Variants in MDN1 observed in about 807,000 individuals in gnomAD.
The protein encoded by MDN1 is midasin.
MDN1 carries 266 observed loss-of-function variants against 669.2 expected under a neutral mutation model. That is an observed-to-expected ratio of 0.40 (90% CI 0.36 to 0.44). MDN1 has a LOEUF of 0.44. Ranked by LOEUF, MDN1 falls within the 20% of genes least tolerant of loss-of-function variation. MDN1 has a pLI of 1.00. For missense variants in MDN1, 5,940 were observed against 6,754.0 expected (o/e 0.88, Z 4.22); for synonymous variants, 2,385 against 2,457.1 (o/e 0.97, Z 0.87).
At chr6:89,686,040 C>T (rs892690065) in intron 69 of MDN1, 67 bp from the exon 70 acceptor site, 138 of 1,509,160 alleles carry the variant, frequency 9.1e-5, no homozygotes, top group Middle Eastern at 5.5e-4. Flanking sequence ...CTAACATGCA[C>T]GCAATCTATT....
Position 89,727,920 on chromosome 6 carries a change from A to T in MDN1, c.5385T>A (p.Val1795=), listed in dbSNP as rs1245058374. Residue 1795 remains valine, a synonymous_variant, in exon 37 of 102, where the codon GTT becomes GTA. Transcript: ENST00000369393. ...ITDLFGADLP[V]EGGKGGEFAW... Reference sequence around the variant, plus strand: ...CAAACTCTCCTCCCTTGCCACCTTCAACAGGTAGATCTGCTCCAAACAGGT... The same window carrying T: ...CAAACTCTCCTCCCTTGCCACCTTCTACAGGTAGATCTGCTCCAAACAGGT... 2 of 1,614,008 alleles carry T rather than the reference A, an allele frequency of 1.2e-6. No homozygotes were observed. Among genetic ancestry groups the T allele is most frequent in the South Asian group, 1.1e-5 (1 of 91,070 alleles).
intron 10 of MDN1, 36 bp downstream of exon 10, chr6:89,781,363 G>T: frequency 6.4e-7 from 1 of 1,574,002 alleles, no homozygotes; most frequent in Non-Finnish European, 8.7e-7. Flanking sequence ...AAAAAAAAAA[G>T]AAAGAAAGAA....
chr6:89,714,064 T>C (rs1259890091), intron 46 of MDN1, among the ~76,000 whole-genome samples: 1 of 151,454 alleles, frequency 6.6e-6, no homozygotes, highest in Non-Finnish European at 1.5e-5. Flanking sequence ...AAAAAAAAGA[T>C]TAAATAAACA....
intron 20 of MDN1, among the ~76,000 whole-genome samples, chr6:89,755,238 A>C (rs577613463): frequency 3.3e-5 from 5 of 152,202 alleles, no homozygotes; most frequent in Admixed American, 2.6e-4. Flanking sequence ...CTTGTTGACT[A>C]ATCTATTTAA....
chr6:89,794,770 G>A lies in MDN1; in HGVS notation c.361C>T (p.Pro121Ser), dbSNP rs1819487485. ...FALRYFKDTS[P>S]VFQRLFLESS... The stretch of plus-strand genomic sequence containing the variant: ...TCTAGGAAAAGTCTTTGAAAGACTG[G>A]GGATGTGTCCTTGAAATATCTCAGG... Residue 121 changes from proline to serine, a missense_variant, in exon 3 of 102, where the codon CCA becomes TCA. Physicochemically the swap from Pro to Ser is moderately conservative, Grantham distance 74. This residue lies in a region of MDN1 where 1,203 missense variants were observed against 1,268.9 expected (regional missense o/e 0.95). Coordinates refer to ENST00000369393, the MANE Select transcript of MDN1 (RefSeq NM_014611.3). 1 of 1,614,124 alleles carries A rather than the reference G, an allele frequency of 6.2e-7. No individual in the cohort carries two copies. The highest frequency in any genetic ancestry group is 8.5e-7 in the Non-Finnish European group (1 of 1,179,984).
In MDN1 at chr6:89,685,100, G is replaced by A. The variant is rs1045568643; in HGVS notation, c.11720-115C>T. On this transcript the variant is annotated intron_variant, in intron 70 of 101. Transcript: ENST00000369393. ...TTCCTCATTACTCTCTATGCCATGAGATTACAGTGAGTTTCACAGGTGCAT... is the reference window on the plus strand; with the variant it reads ...TTCCTCATTACTCTCTATGCCATGAAATTACAGTGAGTTTCACAGGTGCAT... 6.0e-5 allele frequency: 37 copies of A among 615,472 alleles called. 1 individual carries two copies. In the Middle Eastern group the frequency reaches 1.1e-3, roughly 18 times the overall value. The allele number at this position is 615,472 out of a possible 1,614,324, so 38.1% of individuals were successfully genotyped here.
In MDN1 at chr6:89,745,507, C is replaced by A; in HGVS notation, c.4024G>T (p.Val1342Phe). ...CPQSLFSKEN[V>F]LKLLGKLSTQ... ...GCCTACTCACCCAGCAATTTTAGAA[C>A]ATTTTCTTTGGAGAAAAGAGATTGA... The change falls in exon 28 of 102, where the codon GTT (valine) becomes TTT (phenylalanine). Residue 1342 changes from valine to phenylalanine, a missense_variant. Physicochemically the swap from Val to Phe is conservative, Grantham distance 50. Transcript: ENST00000369393. The A allele has an allele frequency of 6.2e-7, 1 of 1,614,074 alleles. No homozygotes were observed. Among genetic ancestry groups the A allele is most frequent in the Non-Finnish European group, 8.5e-7 (1 of 1,179,968 alleles).
intron 1 of MDN1, among the ~76,000 whole-genome samples, chr6:89,808,108 C>T (rs62415989): frequency 6.6e-5 from 10 of 151,090 alleles, no homozygotes; most frequent in Non-Finnish European, 1.3e-4. Flanking sequence ...TTTTTTTTCC[C>T]GAACATTCAT....
At chr6:89,754,310 G>A in intron 20 of MDN1, 80 bp from the exon 21 acceptor site, 2 of 1,432,446 alleles carry the variant, frequency 1.4e-6, no homozygotes, top group Non-Finnish European at 9.4e-7. Flanking sequence ...AAAACCCAAA[G>A]GACATTTTTT....
In MDN1 at chr6:89,710,761, G is replaced by A; in HGVS notation, c.7685C>T (p.Ala2562Val). ...ATGTGAGTAAAAATTCCTGAGAGAT[G>A]CAGCACTGGCTTCCAAATGAATTTG... ...SIQIHLEASAASLRNFYSHSL... is the reference protein window; with the variant it reads ...SIQIHLEASAVSLRNFYSHSL... The change falls in exon 50 of 102, where the codon GCA becomes GTA. Residue 2562 changes from alanine (A) to valine (V), a missense_variant. Ala to Val is a moderately conservative substitution (Grantham distance 64). This residue lies in a region of MDN1 where 2,292 missense variants were observed against 2,638.3 expected (regional missense o/e 0.87). Coordinates refer to ENST00000369393, the MANE Select transcript of MDN1 (RefSeq NM_014611.3). 1.2e-6 allele frequency: 2 copies of A among 1,603,402 alleles called. No homozygotes were observed. Among genetic ancestry groups the A allele is most frequent in the South Asian group, 1.1e-5 (1 of 88,584 alleles).
intron 5 of MDN1, among the ~76,000 whole-genome samples, chr6:89,793,552 T>C (rs940652508): frequency 3.3e-5 from 5 of 152,168 alleles, no homozygotes. Context: ...GTCTCTACAA[T>C]TTAAAAAATT....
rs752784182 is a variant in MDN1 at position 89,718,491 on chromosome 6, G to A, written c.6458C>T (p.Thr2153Ile). Reference sequence around the variant, plus strand: ...TTCTCCAAGACACTTAGGCTTATATGTCAGAAGAAAATGACTCCAGGCTCG... The same window carrying A: ...TTCTCCAAGACACTTAGGCTTATATATCAGAAGAAAATGACTCCAGGCTCG... The part of the protein sequence containing the change: ...VLRAWSHFLL[T>I]YKPKCLGEGG... The change falls in exon 43 of 102, where the codon ACA becomes ATA. Residue 2153 changes from threonine (T) to isoleucine (I), a missense_variant. This residue lies in a region of MDN1 where 2,292 missense variants were observed against 2,638.3 expected (regional missense o/e 0.87). Coordinates refer to ENST00000369393, the MANE Select transcript of MDN1 (RefSeq NM_014611.3). 2 of 1,613,976 alleles carry A rather than the reference G, an allele frequency of 1.2e-6. No individual in the cohort carries two copies. Among genetic ancestry groups the A allele is most frequent in the East Asian group, 2.2e-5 (1 of 44,894 alleles).
intron 13 of MDN1, among the ~76,000 whole-genome samples, chr6:89,773,065 T>A (rs964523556): frequency 6.6e-6 from 1 of 152,206 alleles, no homozygotes; most frequent in South Asian, 2.1e-4. Context: ...CAGTACCTAG[T>A]TGTAATAGGT....
chr6:89,648,087 C>A lies in MDN1; in HGVS notation c.16340G>T (p.Gly5447Val), dbSNP rs369030618. ...TTTGCAGAGACGTAGAATCTGGGAC[C>A]CAGAGTAATCACTGAACTGCTCATG... is the stretch of plus-strand genomic sequence containing the variant. ...PFHEQFSDYS[G>V]SQILRLCKFQ... Residue 5447 changes from glycine to valine, a missense_variant, in exon 99 of 102, where the codon GGG becomes GTG. Gly to Val is a moderately radical substitution (Grantham distance 109). This residue lies in a region of MDN1 where 2,280 missense variants were observed against 2,576.3 expected (regional missense o/e 0.88). Coordinates refer to ENST00000369393, the MANE Select transcript of MDN1 (RefSeq NM_014611.3). The A allele has an allele frequency of 5.0e-6, 8 of 1,613,988 alleles. No individual in the cohort carries two copies. In the African/African-American group the frequency reaches 9.3e-5, roughly 19 times the overall value.
rs1808263624 is a variant in MDN1 at position 89,643,004 on chromosome 6, A to G, written c.*1001T>C. The G allele has an allele frequency of 6.6e-6, 1 of 152,236 alleles. No individual in the cohort carries two copies. Among genetic ancestry groups the G allele is most frequent in the African/African-American group, 2.4e-5 (1 of 41,462 alleles). The allele number at this position is 152,236 out of a possible 1,614,324, so 9.4% of individuals were successfully genotyped here. Reference sequence around the variant, plus strand: ...CATGACATACTGCCTACAAAAGAACATTCTGACAGAACATTAAGTAGAACA... The same window carrying G: ...CATGACATACTGCCTACAAAAGAACGTTCTGACAGAACATTAAGTAGAACA... On this transcript the variant is annotated 3_prime_UTR_variant, in exon 102 of 102. Transcript: ENST00000369393.
intron 15 of MDN1, among the ~76,000 whole-genome samples, chr6:89,766,958 T>G (rs1437324959): frequency 1.3e-5 from 2 of 152,190 alleles, no homozygotes; most frequent in African/African-American, 2.4e-5. Flanking sequence ...CTCTCCAGGG[T>G]AACCGGTCCT....
chr6:89,648,214 G>A, intron 98 of MDN1, 42 bp downstream of exon 98: 12 of 1,607,568 alleles, frequency 7.5e-6, no homozygotes, highest in Non-Finnish European at 1.0e-5. Flanking sequence ...AACCAAACAG[G>A]TTGTGAAAAG....
chr6:89,658,902 T>G lies in MDN1; in HGVS notation c.14729A>C (p.Glu4910Ala). Residue 4910 changes from glutamate to alanine, a missense_variant, in exon 89 of 102, where the codon GAG becomes GCG. By Grantham distance (107) the Glu-to-Ala change is moderately radical. Around this residue, in one of 5 missense-constraint regions of MDN1, gnomAD observed 2,280 missense variants for 2,576.3 expected, o/e 0.88. Transcript: ENST00000369393. ...TGCTTCTTCTGGTTTTTCTTTTATC[T>G]CCAAAGGATTCTCTTCTGTATAGAT... ...NEEGEEENPL[E>A]IKEKPEEAGH... 5 of 1,611,820 alleles carry G rather than the reference T, an allele frequency of 3.1e-6. No homozygotes were observed. Among genetic ancestry groups the G allele is most frequent in the Non-Finnish European group, 4.2e-6 (5 of 1,179,376 alleles).
At chr6:89,705,426 A>T (rs965721880) in intron 53 of MDN1, among the ~76,000 whole-genome samples, 5 of 152,336 alleles carry the variant, frequency 3.3e-5, no homozygotes, top group Non-Finnish European at 7.3e-5. Context: ...TGGATTAAAA[A>T]TTCCATTTAA....
Sources: allele counts gnomAD v4.1 joint callset (sites outside exome capture counted in the v4.1 genomes callset), GRCh38; gene constraint gnomAD v4.1.1; regional missense constraint gnomAD v4.1.1; transcripts MANE v1.5; gene names NCBI Gene and HGNC (gene_info 2026-07-23, HGNC 2026-07-21).